Variants in CSMD1 observed in about 807,000 individuals in gnomAD.
CSMD1 encodes CUB and Sushi multiple domains 1, also known as CUB and sushi domain-containing protein 1.
CSMD1 carries 213 observed loss-of-function variants against 417.5 expected under a neutral mutation model. That is an observed-to-expected ratio of 0.51 (90% confidence interval 0.46 to 0.57). The LOEUF (loss-of-function observed/expected upper bound fraction) is 0.57, where lower values mean the gene tolerates loss of function less well. CSMD1 is among the 20% of genes least tolerant of loss of function. CSMD1 has a pLI of 0.00. For missense variants in CSMD1, 6,923 were observed against 4,529.7 expected, an observed-to-expected ratio of 1.53 and a Z score of -15.17; for synonymous variants, 2,862 against 1,736.8, an observed-to-expected ratio of 1.65 and a Z score of -16.11.
At chr8:4,288,407 G>C (rs1020850783) in intron 3 of CSMD1, among the ~76,000 whole-genome samples, 1 of 152,106 alleles carries the variant, frequency 6.6e-6, no homozygotes, top group Non-Finnish European at 1.5e-5. Flanking sequence ...AAATATCTCA[G>C]GCTTGTTCAC....
intron 26 of CSMD1, among the ~76,000 whole-genome samples, chr8:3,251,897 T>A (rs931519139): frequency 6.6e-6 from 1 of 152,192 alleles, no homozygotes. Context: ...ATGCTTGTGA[T>A]TTTTGCACAT....
At position 3,981,966 on chromosome 8, in the gene CSMD1, T is replaced by C. The variant is rs189076935; in HGVS notation, c.818+15937A>G. ...GCAGGTGGATCACAAGTTCAGGAGA[T>C]TGAGACCATCCTGGCTAACACGGTG... On this transcript the variant is annotated intron_variant, in intron 5 of 69. Transcript: ENST00000635120. Among the ~76,000 whole-genome samples the C allele has an allele frequency of 6.3e-4, 96 of 151,944 alleles. No homozygotes were observed. The East Asian group carries it at 0.011, about 17-fold the overall frequency.
chr8:4,889,851 G>A (rs2116994973), intron 1 of CSMD1, among the ~76,000 whole-genome samples: 1 of 152,188 alleles, frequency 6.6e-6, no homozygotes, highest in Admixed American at 6.5e-5. Context: ...GAGTTACTTT[G>A]TATTTATTGA....
At chr8:4,764,821 A>G (rs1195959961) in intron 1 of CSMD1, among the ~76,000 whole-genome samples, 16 of 142,412 alleles carry the variant, frequency 1.1e-4, no homozygotes, top group Admixed American at 1.5e-4. Flanking sequence ...TGCGGTGAGC[A>G]GAGATCGCGC....
chr8:3,005,709 CA>C (rs954655514), intron 52 of CSMD1, among the ~76,000 whole-genome samples: 74 of 152,204 alleles, frequency 4.9e-4, no homozygotes, highest in African/African-American at 1.4e-3. Context: ...AGGCCTTTGA[CA>C]AAATTCAACA....
intron 4 of CSMD1, among the ~76,000 whole-genome samples, chr8:4,012,339 T>C (rs1453576392): frequency 1.3e-5 from 2 of 152,194 alleles, no homozygotes; most frequent in Non-Finnish European, 2.9e-5. Context: ...AGATTCATTC[T>C]CTTCACCTCT....
At chr8:4,315,297 C>A (rs762886005) in intron 3 of CSMD1, among the ~76,000 whole-genome samples, 6 of 152,162 alleles carry the variant, frequency 3.9e-5, no homozygotes, top group Non-Finnish European at 8.8e-5. Flanking sequence ...CGAGGAGACC[C>A]TTTTACCCTA....
chr8:4,210,212 C>T (rs1267610190), intron 3 of CSMD1, among the ~76,000 whole-genome samples: 1 of 152,208 alleles, frequency 6.6e-6, no homozygotes, highest in African/African-American at 2.4e-5. Flanking sequence ...CTCCCCAAGC[C>T]AGCATGCTGG....
intron 7 of CSMD1, among the ~76,000 whole-genome samples, chr8:3,697,263 A>C (rs1471521759): frequency 6.6e-6 from 1 of 152,202 alleles, no homozygotes; most frequent in Non-Finnish European, 1.5e-5. Context: ...GTAATTCTGT[A>C]AGCACTCTAA....
At chr8:3,942,023 G>C (rs927701989) in intron 5 of CSMD1, among the ~76,000 whole-genome samples, 8 of 152,026 alleles carry the variant, frequency 5.3e-5, no homozygotes, top group African/African-American at 1.9e-4. Context: ...AGTGGCATTA[G>C]ATTCTTATAG....
At chr8:2,944,313 A>G (rs1266951496) in intron 68 of CSMD1, among the ~76,000 whole-genome samples, 2 of 152,162 alleles carry the variant, frequency 1.3e-5, no homozygotes, top group African/African-American at 4.8e-5. Context: ...GGGGTTCTAG[A>G]GCCCTGGGGA....
At chr8:3,695,434 G>T (rs571736813) in intron 7 of CSMD1, among the ~76,000 whole-genome samples, 128 of 151,904 alleles carry the variant, frequency 8.4e-4, no homozygotes, top group African/African-American at 3.0e-3. Context: ...TAATCCTCTT[G>T]GTAGATTGAA....
chr8:4,624,211 G>C (rs1301575727), intron 2 of CSMD1, among the ~76,000 whole-genome samples: 2 of 152,092 alleles, frequency 1.3e-5, no homozygotes, highest in East Asian at 1.9e-4. Context: ...ACCTCTATTT[G>C]TCTAAAGCCC....
chr8:3,007,665 G>T (rs371818795), intron 52 of CSMD1, among the ~76,000 whole-genome samples: 1 of 150,260 alleles, frequency 6.7e-6, no homozygotes, highest in Non-Finnish European at 1.5e-5. Flanking sequence ...GTAAACTATC[G>T]CAAGAACAAA....
intron 5 of CSMD1, among the ~76,000 whole-genome samples, chr8:3,848,289 T>A (rs1185858754): frequency 6.6e-6 from 1 of 152,134 alleles, no homozygotes; most frequent in African/African-American, 2.4e-5. Flanking sequence ...GGGGAGCTCA[T>A]TCTACTGCGA....
intron 5 of CSMD1, among the ~76,000 whole-genome samples, chr8:3,769,141 T>G (rs1798443533): frequency 1.3e-5 from 2 of 152,162 alleles, no homozygotes; most frequent in Non-Finnish European, 2.9e-5. Context: ...TTAAATTGAT[T>G]AAAAGATGAA....
chr8:4,739,924 C>A lies in CSMD1; in HGVS notation c.86-102366G>T, dbSNP rs116571486. 9.7e-3 allele frequency among the ~76,000 whole-genome samples: 1,480 copies of A among 152,246 alleles called. 20 individuals are homozygous for A. Among genetic ancestry groups the A allele is most frequent in the Middle Eastern group, 0.034 (10 of 294 alleles). ...TTCTCCACCCTCCCTTCTTCAGTTG[C>A]TCTCTGCAGCAACTTAAGCTCCATA... On this transcript the variant is annotated intron_variant, in intron 1 of 69. Coordinates refer to ENST00000635120, the MANE Select transcript of CSMD1 (RefSeq NM_033225.6).
intron 1 of CSMD1, among the ~76,000 whole-genome samples, chr8:4,911,638 T>C (rs1175197784): frequency 6.6e-6 from 1 of 152,220 alleles, no homozygotes; most frequent in Non-Finnish European, 1.5e-5. Context: ...AATGTTCATA[T>C]AATTTACACA....
At chr8:3,075,470 A>G (rs879711814) in intron 49 of CSMD1, among the ~76,000 whole-genome samples, 2 of 151,390 alleles carry the variant, frequency 1.3e-5, no homozygotes, top group African/African-American at 2.4e-5. Context: ...TAGTAGAGAC[A>G]GGGTTTTTCC....
Sources: allele counts gnomAD v4.1 joint callset (sites outside exome capture counted in the v4.1 genomes callset), GRCh38; gene constraint gnomAD v4.1.1; transcripts MANE v1.5; gene names NCBI Gene and HGNC (gene_info 2026-07-23, HGNC 2026-07-21).